DPP10: variants seen among roughly 807,000 people sequenced by gnomAD.
DPP10 encodes dipeptidyl peptidase like 10.
DPP10 carries 33 observed loss-of-function variants against 120.9 expected under a neutral mutation model. That is an observed-to-expected ratio of 0.27 (90% CI 0.21 to 0.37). The LOEUF (loss-of-function observed/expected upper bound fraction) is 0.37, where lower values mean the gene tolerates loss of function less well. Ranked by LOEUF, DPP10 falls within the 10% of genes least tolerant of loss-of-function variation. DPP10 has a pLI of 1.00. For synonymous variants in DPP10, 337 were observed against 326.1 expected (o/e 1.03, Z -0.36); for missense variants, 816 against 942.8 (o/e 0.87, Z 1.76).
intron 3 of DPP10, among the ~76,000 whole-genome samples, chr2:115,365,399 A>G (rs539129056): frequency 1.2e-4 from 18 of 152,026 alleles, no homozygotes; most frequent in Non-Finnish European, 2.5e-4. Context: ...GAGCCATCCT[A>G]GATTCCAAGA....
intron 3 of DPP10, among the ~76,000 whole-genome samples, chr2:115,366,883 T>A (rs905683485): frequency 6.6e-6 from 1 of 152,062 alleles, no homozygotes; most frequent in African/African-American, 2.4e-5. Flanking sequence ...AAAATCACAT[T>A]GCACCCCCAG....
At chr2:115,352,608 T>C (rs1225395985) in intron 3 of DPP10, among the ~76,000 whole-genome samples, 1 of 152,194 alleles carries the variant, frequency 6.6e-6, no homozygotes, top group African/African-American at 2.4e-5. Context: ...AACATTTTTC[T>C]AGATACAAAG....
chr2:114,548,133 T>C (rs2104849978), intron 1 of DPP10, among the ~76,000 whole-genome samples: 1 of 152,202 alleles, frequency 6.6e-6, no homozygotes, highest in Middle Eastern at 3.4e-3. Context: ...GAAGATTACA[T>C]AAGATGAAAT....
chr2:115,656,740 G>A (rs867943421), intron 5 of DPP10, among the ~76,000 whole-genome samples: 14 of 151,588 alleles, frequency 9.2e-5, no homozygotes, highest in South Asian at 2.1e-4. Context: ...TATATTTGGC[G>A]TGTATTCCTG....
At chr2:114,835,373 A>T (rs1370515344) in intron 1 of DPP10, 3 of 152,064 alleles carry the variant, frequency 2.0e-5, no homozygotes, top group African/African-American at 7.2e-5. Flanking sequence ...AGACATATCT[A>T]CACACCTATT....
intron 3 of DPP10, among the ~76,000 whole-genome samples, chr2:115,353,171 G>A (rs968536514): frequency 9.2e-5 from 14 of 152,058 alleles, no homozygotes; most frequent in Non-Finnish European, 2.1e-4. Context: ...AGTTAAGAAC[G>A]GTTGGAGTCG....
intron 4 of DPP10, among the ~76,000 whole-genome samples, chr2:115,506,553 A>G (rs544165375): frequency 2.0e-5 from 3 of 152,258 alleles, no homozygotes; most frequent in Admixed American, 2.0e-4. Flanking sequence ...AGAAATGTGA[A>G]AATAAATAAT....
chr2:114,624,890 C>T (rs1694396885), intron 1 of DPP10, among the ~76,000 whole-genome samples: 1 of 151,910 alleles, frequency 6.6e-6, no homozygotes, highest in African/African-American at 2.4e-5. Flanking sequence ...TCTGTTGCTC[C>T]ACTTACCTCC....
At position 115,716,713 on chromosome 2, in the gene DPP10, AAAAC is replaced by A. The variant is rs535037198; in HGVS notation, c.577-11085_577-11082del. ...AAAAGTTGGATGTTTCTGTATTGCA[AAAAC>A]AAACAAACAAACAAACACTATTTAT... On this transcript the variant is annotated intron_variant, in intron 7 of 25. Coordinates refer to ENST00000410059, the MANE Select transcript of DPP10 (RefSeq NM_020868.6). Among the ~76,000 whole-genome samples, 38 of 149,694 alleles carry A rather than the reference AAAAC, an allele frequency of 2.5e-4. No homozygotes were observed. In the East Asian group the frequency reaches 2.7e-3, roughly 11 times the overall value.
chr2:114,867,579 T>C (rs1690341602), intron 1 of DPP10, among the ~76,000 whole-genome samples: 1 of 152,200 alleles, frequency 6.6e-6, no homozygotes, highest in Admixed American at 6.5e-5. Context: ...TGCAGTGTAT[T>C]GCAATTACGA....
intron 1 of DPP10, among the ~76,000 whole-genome samples, chr2:114,750,747 C>T (rs1294810154): frequency 7.1e-6 from 1 of 141,822 alleles, no homozygotes; most frequent in East Asian, 2.1e-4. Context: ...GGCTGGCTGG[C>T]TTTCAGGAAT....
At chr2:115,759,072 C>T (rs188106843) in intron 11 of DPP10, among the ~76,000 whole-genome samples, 1 of 152,126 alleles carries the variant, frequency 6.6e-6, no homozygotes, top group African/African-American at 2.4e-5. Context: ...AAATTAGAAA[C>T]TTCTCATCAA....
chr2:115,194,790 A>C (rs891131951), intron 1 of DPP10, among the ~76,000 whole-genome samples: 1 of 152,148 alleles, frequency 6.6e-6, no homozygotes, highest in Non-Finnish European at 1.5e-5. Context: ...ATGGACATTT[A>C]TGAGTGATGT....
chr2:115,601,024 A>G (rs1212870980), intron 5 of DPP10, among the ~76,000 whole-genome samples: 1 of 152,108 alleles, frequency 6.6e-6, no homozygotes, highest in East Asian at 1.9e-4. Context: ...CCTTCATCCT[A>G]TTTATGCCTA....
chr2:115,639,035 A>C (rs2086574182), intron 5 of DPP10, among the ~76,000 whole-genome samples: 2 of 152,168 alleles, frequency 1.3e-5, no homozygotes, highest in Admixed American at 6.5e-5. Flanking sequence ...TTTGGTGGCC[A>C]CTACCACTGT....
intron 1 of DPP10, among the ~76,000 whole-genome samples, chr2:114,849,451 A>G (rs775186588): frequency 7.9e-5 from 12 of 152,194 alleles, no homozygotes; most frequent in Non-Finnish European, 1.3e-4. Context: ...CTGGGCTCAA[A>G]TGATCCTCCT....
intron 1 of DPP10, among the ~76,000 whole-genome samples, chr2:114,542,955 GCTTCATTCAAATAAGC>G (rs1044004273): frequency 6.6e-5 from 10 of 152,102 alleles, no homozygotes; most frequent in Non-Finnish European, 1.2e-4. Flanking sequence ...GCAAAGTCCT[GCTTCATTCAAATAAGC>G]CCTGGGTTTG....
chr2:114,488,498 G>A (rs1382696260), intron 1 of DPP10, among the ~76,000 whole-genome samples: 4 of 152,104 alleles, frequency 2.6e-5, no homozygotes, highest in Admixed American at 6.5e-5. Flanking sequence ...CATGAAAATA[G>A]GGCCTGTGGT....
At chr2:114,722,937 T>A (rs1000784634) in intron 1 of DPP10, among the ~76,000 whole-genome samples, 49 of 151,732 alleles carry the variant, frequency 3.2e-4, no homozygotes, top group Admixed American at 5.9e-4. Context: ...GAAAAAAAAA[T>A]TTTTTTCAGT....
Sources: gnomAD v4.1 joint callset for allele counts (sites outside exome capture counted in the v4.1 genomes callset) on GRCh38, gnomAD v4.1.1 for gene constraint, MANE v1.5 for transcripts, NCBI Gene and HGNC (gene_info 2026-07-23, HGNC 2026-07-21) for gene names.